ANO4: variants seen among roughly 807,000 people sequenced by gnomAD.
The protein encoded by ANO4 is anoctamin-4.
A neutral mutation model predicts 141.9 loss-of-function variants in ANO4; 69 were observed. The observed-to-expected ratio is 0.49, with a 90% CI of 0.40 to 0.59. The LOEUF (loss-of-function observed/expected upper bound fraction) is 0.59. Ranked by LOEUF, ANO4 falls within the 20% of genes least tolerant of loss-of-function variation. ANO4 has a pLI of 0.00. For synonymous variants in ANO4, 350 were observed against 394.3 expected (o/e 0.89, Z 1.33); for missense variants, 894 against 1,162.2 (o/e 0.77, Z 3.36).
intron 1 of ANO4, among the ~76,000 whole-genome samples, chr12:100,832,368 G>A (rs541189226): frequency 6.6e-6 from 1 of 152,058 alleles, no homozygotes; most frequent in Non-Finnish European, 1.5e-5. Context: ...GTATTGGCAG[G>A]TGTTGGGGTG....
chr12:100,808,292 C>T lies in ANO4; in HGVS notation c.-141+13265C>T, dbSNP rs144517591. Reference sequence around the variant, plus strand: ...GTGAGATGGTGTCTCATTTGATTTGCATTTATCTAATGATCAATGATGTCA... The same window carrying T: ...GTGAGATGGTGTCTCATTTGATTTGTATTTATCTAATGATCAATGATGTCA... On this transcript the variant is annotated intron_variant, in intron 1 of 27. Transcript: ENST00000392977. 5.0e-4 allele frequency among the ~76,000 whole-genome samples: 76 copies of T among 152,244 alleles called. 1 individual carries two copies. In the East Asian group the frequency reaches 0.012, roughly 23 times the overall value.
At chr12:101,094,169 C>G in intron 17 of ANO4, 87 bp from the exon 18 acceptor site, 1 of 1,036,102 alleles carries the variant, frequency 9.7e-7, no homozygotes, top group Non-Finnish European at 1.5e-6. Flanking sequence ...TATTTTGACT[C>G]GTGATTTGAC....
chr12:101,110,582 A>C (rs2050624889), intron 23 of ANO4, 26 bp downstream of exon 23: 1 of 1,523,438 alleles, frequency 6.6e-7, no homozygotes, highest in Non-Finnish European at 8.8e-7. Context: ...GTATGTTTTT[A>C]AAAAACATAT....
chr12:101,094,161 T>C, intron 17 of ANO4, 95 bp from the exon 18 acceptor site: 2 of 979,504 alleles, frequency 2.0e-6, no homozygotes, highest in Non-Finnish European at 3.2e-6. Flanking sequence ...AATGAAATTA[T>C]TTTGACTCGT....
intron 17 of ANO4, among the ~76,000 whole-genome samples, chr12:101,090,597 G>C (rs1046747915): frequency 6.6e-6 from 1 of 152,082 alleles, no homozygotes; most frequent in Non-Finnish European, 1.5e-5. Flanking sequence ...AGGGCCTGCC[G>C]GGGGTGTGGG....
chr12:101,055,803 T>TAAAC (rs1388384858), intron 14 of ANO4, among the ~76,000 whole-genome samples: 3 of 152,192 alleles, frequency 2.0e-5, no homozygotes, highest in Admixed American at 6.5e-5. Context: ...TTAGCTCATA[T>TAAAC]GTTTAGGTTT....
chr12:101,115,500 C>A (rs966246730), intron 24 of ANO4, among the ~76,000 whole-genome samples: 6 of 152,116 alleles, frequency 3.9e-5, no homozygotes, highest in African/African-American at 1.2e-4. Flanking sequence ...GCCAATATTA[C>A]ATGACTAGAA....
At chr12:100,841,377 C>T (rs750602120) in intron 1 of ANO4, among the ~76,000 whole-genome samples, 31 of 152,162 alleles carry the variant, frequency 2.0e-4, no homozygotes, top group African/African-American at 5.3e-4. Context: ...GTACCTGGTA[C>T]GGTGGATAAG....
At chr12:100,916,033 G>C (rs558620403) in intron 2 of ANO4, among the ~76,000 whole-genome samples, 1 of 139,568 alleles carries the variant, frequency 7.2e-6, no homozygotes, top group African/African-American at 2.8e-5. Flanking sequence ...GAGGGCAAGT[G>C]GAAAGTGGTA....
intron 3 of ANO4, among the ~76,000 whole-genome samples, chr12:100,741,208 T>C (rs2031850223): frequency 6.6e-6 from 1 of 151,594 alleles, no homozygotes; most frequent in Non-Finnish European, 1.5e-5. Context: ...TTAGAGGTAA[T>C]GGTTTAGTCA....
chr12:100,719,715 C>T (rs1461335149), intron 1 of ANO4, among the ~76,000 whole-genome samples: 3 of 152,146 alleles, frequency 2.0e-5, no homozygotes, highest in Admixed American at 6.5e-5. Flanking sequence ...AGAAATTTGG[C>T]TTATGTAGGC....
rs534740527 is a variant in ANO4 at position 100,720,498 on chromosome 12, G to C, written c.22+2951G>C. Among the ~76,000 whole-genome samples, 6 of 151,802 alleles carry C rather than the reference G, an allele frequency of 4.0e-5. No homozygotes were observed. In the East Asian group the frequency reaches 1.2e-3, roughly 30 times the overall value. ...ATTGTGGCTAGAGCAGAGAGAGCAA[G>C]CAGAAGACAGGAAGACAGTGCAGTC... is the stretch of plus-strand genomic sequence containing the variant. On this transcript the variant is annotated intron_variant, in intron 1 of 29. Transcript: ENST00000644049.
chr12:100,801,121 C>G (rs1451118245), intron 1 of ANO4, among the ~76,000 whole-genome samples: 1 of 151,462 alleles, frequency 6.6e-6, no homozygotes, highest in Admixed American at 6.6e-5. Flanking sequence ...CTCTCTCTCT[C>G]TCTCAAACAG....
chr12:100,923,520 T>A (rs1485969387), intron 3 of ANO4, among the ~76,000 whole-genome samples: 1 of 152,204 alleles, frequency 6.6e-6, no homozygotes, highest in Non-Finnish European at 1.5e-5. Flanking sequence ...CCACATTTTT[T>A]AAATCCAGTC....
intron 1 of ANO4, among the ~76,000 whole-genome samples, chr12:100,809,098 CAAAG>C (rs928802349): frequency 6.6e-6 from 1 of 152,056 alleles, no homozygotes; most frequent in African/African-American, 2.4e-5. Flanking sequence ...ATGATGAAAA[CAAAG>C]AATTATAATA....
chr12:100,894,473 G>T (rs1160418907), intron 1 of ANO4, among the ~76,000 whole-genome samples: 1 of 151,956 alleles, frequency 6.6e-6, no homozygotes, highest in Admixed American at 6.6e-5. Flanking sequence ...GATGCTCAAA[G>T]CCCCTCCAAA....
chr12:101,030,336 C>T (rs2046925595), intron 9 of ANO4, among the ~76,000 whole-genome samples: 1 of 152,182 alleles, frequency 6.6e-6, no homozygotes, highest in Non-Finnish European at 1.5e-5. Context: ...TTAAAAACCA[C>T]ACAATTACAT....
At chr12:100,785,449 T>G (rs2033843178) in intron 3 of ANO4, among the ~76,000 whole-genome samples, 1 of 152,228 alleles carries the variant, frequency 6.6e-6, no homozygotes, top group South Asian at 2.1e-4. Flanking sequence ...TTTTACTGTT[T>G]TCCTAGTTTT....
At chr12:100,725,095 T>C (rs2031049256) in intron 1 of ANO4, among the ~76,000 whole-genome samples, 1 of 152,220 alleles carries the variant, frequency 6.6e-6, no homozygotes, top group South Asian at 2.1e-4. Context: ...ATGGTGAATA[T>C]TTTTGCAAAG....
Sources: gnomAD v4.1 joint callset for allele counts (sites outside exome capture counted in the v4.1 genomes callset) on GRCh38, gnomAD v4.1.1 for gene constraint, MANE v1.5 for transcripts, NCBI Gene and HGNC (gene_info 2026-07-23, HGNC 2026-07-21) for gene names.